The following CCDC3 variants were observed in gnomAD, a reference collection of about 807,000 sequenced individuals.
CCDC3 encodes the protein coiled-coil domain containing 3.
Under a neutral mutation model 21.4 loss-of-function variants are expected in CCDC3, and 24 were observed. That is an observed-to-expected ratio of 1.12 (90% CI 0.81 to 1.58). CCDC3 has a LOEUF of 1.58. Ranked by LOEUF, CCDC3 falls within the 40% of genes most tolerant of loss-of-function variation. CCDC3 has a pLI of 0.00. For missense variants in CCDC3, 425 were observed against 360.9 expected (o/e 1.18, Z -1.44); for synonymous variants, 186 against 166.0 (o/e 1.12, Z -0.93).
intron 5 of CCDC3, among the ~76,000 whole-genome samples, chr10:13,042,653 A>T (rs978768327): frequency 3.3e-5 from 5 of 151,624 alleles, no homozygotes. Context: ...TCACACCTGT[A>T]ATCTCAGCAC....
intron 5 of CCDC3, among the ~76,000 whole-genome samples, chr10:13,045,862 G>C (rs533615961): frequency 1.3e-5 from 2 of 150,488 alleles, no homozygotes; most frequent in African/African-American, 4.9e-5. Context: ...AGGCCGAGAT[G>C]GGGGGATCAT....
intron 5 of CCDC3, among the ~76,000 whole-genome samples, chr10:13,015,581 A>T (rs1273337569): frequency 6.6e-6 from 1 of 152,076 alleles, no homozygotes; most frequent in African/African-American, 2.4e-5. Flanking sequence ...ATAGAGAAGG[A>T]AAGGGGGTAC....
At chr10:12,947,852 C>A (rs942537881) in intron 2 of CCDC3, among the ~76,000 whole-genome samples, 3 of 152,240 alleles carry the variant, frequency 2.0e-5, no homozygotes, top group Admixed American at 2.0e-4. Flanking sequence ...GGCCTCCTGA[C>A]AATCCTGTGG....
At chr10:12,905,957 G>A (rs999791428) in intron 2 of CCDC3, among the ~76,000 whole-genome samples, 14 of 152,196 alleles carry the variant, frequency 9.2e-5, no homozygotes, top group African/African-American at 3.4e-4. Context: ...AGGGACTCTG[G>A]GGAGCTTGAT....
At chr10:12,902,556 G>T (rs940347818) in intron 2 of CCDC3, among the ~76,000 whole-genome samples, 1 of 152,192 alleles carries the variant, frequency 6.6e-6, no homozygotes, top group East Asian at 1.9e-4. Flanking sequence ...AAGAGGATTG[G>T]GGTTTTGGAA....
intron 2 of CCDC3, among the ~76,000 whole-genome samples, chr10:12,983,149 T>A (rs1589030107): frequency 3.9e-5 from 1 of 25,534 alleles, no homozygotes; most frequent in Non-Finnish European, 1.3e-4. Context: ...TATATATATA[T>A]ATATATATAT....
upstream of CCDC3, among the ~76,000 whole-genome samples, chr10:13,006,092 A>G (rs1377583428): frequency 6.6e-6 from 1 of 152,136 alleles, no homozygotes; most frequent in Non-Finnish European, 1.5e-5. Context: ...CATCAGATCC[A>G]TTCATCATAC....
Position 13,001,533 on chromosome 10 carries a change from G to A in CCDC3, c.38C>T (p.Ala13Val), listed in dbSNP as rs2131288518. ...RQLLLAALCL[A>V]GPPAPARACQ... ...GGCGCGCGCGGGCGCTGGGGGACCC[G>A]CCAGGCAGAGCGCGGCGAGCAGCAG... Residue 13 changes from alanine to valine, a missense_variant, in exon 1 of 3, where the codon GCG becomes GTG. Ala to Val is a moderately conservative substitution (Grantham distance 64, BLOSUM62 0). Transcript: ENST00000378825. 10 of 1,286,124 alleles carry A rather than the reference G, an allele frequency of 7.8e-6. No individual in the cohort carries two copies. The highest frequency in any genetic ancestry group is 8.8e-6 in the Non-Finnish European group (9 of 1,018,558). 79.7% of individuals were successfully genotyped at this position (1,286,124 alleles called of 1,614,324 possible). A position where few individuals can be genotyped will look rare whatever the true frequency, so the allele number is the denominator to read the frequency against.
intron 3 of CCDC3, among the ~76,000 whole-genome samples, chr10:13,080,537 AT>A (rs1399486558): frequency 1.3e-5 from 2 of 152,228 alleles, no homozygotes; most frequent in Non-Finnish European, 2.9e-5. Flanking sequence ...AAGAATATCA[AT>A]TTTTACCTAC....
intron 5 of CCDC3, among the ~76,000 whole-genome samples, chr10:13,038,331 T>C (rs1836405557): frequency 7.2e-6 from 1 of 139,666 alleles, no homozygotes; most frequent in Non-Finnish European, 1.5e-5. Context: ...TATGTAAATG[T>C]GCACATCCTG....
chr10:12,982,317 A>G (rs928825867), intron 2 of CCDC3, among the ~76,000 whole-genome samples: 5 of 151,806 alleles, frequency 3.3e-5, no homozygotes, highest in Non-Finnish European at 7.4e-5. Context: ...AAACAGAAAG[A>G]ATGGTACTTG....
intron 4 of CCDC3, among the ~76,000 whole-genome samples, chr10:13,073,133 T>C (rs1261638402): frequency 6.6e-6 from 1 of 152,218 alleles, no homozygotes; most frequent in Non-Finnish European, 1.5e-5. Context: ...CCCAAAGTGC[T>C]GGGATTACAG....
intron 2 of CCDC3, among the ~76,000 whole-genome samples, chr10:12,949,987 G>A (rs556787152): frequency 6.6e-6 from 1 of 152,164 alleles, no homozygotes; most frequent in Non-Finnish European, 1.5e-5. Context: ...ACACACCTGT[G>A]TTCTCTCCTA....
At chr10:12,921,249 TCA>T (rs1378143791) in intron 2 of CCDC3, among the ~76,000 whole-genome samples, 3 of 152,218 alleles carry the variant, frequency 2.0e-5, no homozygotes, top group Non-Finnish European at 4.4e-5. Context: ...TTTTAAAAAC[TCA>T]CAGTTAATGA....
chr10:13,062,962 A>G (rs1157607797), intron 4 of CCDC3, among the ~76,000 whole-genome samples: 1 of 82,942 alleles, frequency 1.2e-5, no homozygotes, highest in Non-Finnish European at 2.5e-5. Context: ...CAGCTGACTC[A>G]CGGCCATTTC....
Position 12,910,333 on chromosome 10 carries a change from A to G in CCDC3, c.550-11654T>C, listed in dbSNP as rs529753765. Among the ~76,000 whole-genome samples the G allele has an allele frequency of 2.6e-5, 4 of 152,328 alleles. No individual in the cohort carries two copies. The South Asian group carries it at 6.2e-4, about 24-fold the overall frequency. On this transcript the variant is annotated intron_variant, in intron 2 of 2. Transcript: ENST00000378825. ...AGAGATACTGATAATGAGAAAAAGCATGGTGTATTTGGTGTGCCTTAAAGC... is the reference window on the plus strand; with the variant it reads ...AGAGATACTGATAATGAGAAAAAGCGTGGTGTATTTGGTGTGCCTTAAAGC...
intron 2 of CCDC3, among the ~76,000 whole-genome samples, chr10:12,916,013 A>T (rs1834347436): frequency 6.6e-6 from 1 of 152,038 alleles, no homozygotes. Flanking sequence ...ATGGTCCTGG[A>T]GCCTGGGTTC....
chr10:13,021,262 G>A (rs967457936), intron 5 of CCDC3, among the ~76,000 whole-genome samples: 2 of 152,248 alleles, frequency 1.3e-5, no homozygotes, highest in Admixed American at 6.5e-5. Context: ...CCAATTCAAG[G>A]TACCATCATT....
rs563621848 is a variant in CCDC3 at position 13,069,175 on chromosome 10, A to G, written c.-270+4693T>C. Among the ~76,000 whole-genome samples the G allele has an allele frequency of 3.0e-3, 457 of 152,334 alleles. 2 individuals carry two copies. Among genetic ancestry groups the G allele is most frequent in the South Asian group, 7.7e-3 (37 of 4,828 alleles). On this transcript the variant is annotated intron_variant, in intron 4 of 6. Coordinates refer to the CCDC3 transcript ENST00000378839. ...GAGGCTGAGGCAGGAGAAGCACTTG[A>G]ACCCGGGAGGCAGAGGTTGCGGTGA...
Sources: allele counts gnomAD v4.1 joint callset (sites outside exome capture counted in the v4.1 genomes callset), GRCh38; gene constraint gnomAD v4.1.1; transcripts MANE v1.5; gene names NCBI Gene and HGNC (gene_info 2026-07-23, HGNC 2026-07-21).